The following PRKG1 variants were observed in gnomAD, a reference collection of about 807,000 sequenced individuals.
The protein encoded by PRKG1 is protein kinase cGMP-dependent 1.
A neutral mutation model predicts 88.1 loss-of-function variants in PRKG1; 35 were observed. That is an observed-to-expected ratio of 0.40 (90% CI 0.30 to 0.53). The LOEUF (loss-of-function observed/expected upper bound fraction) is 0.53. Ranked by LOEUF, PRKG1 falls within the 20% of genes least tolerant of loss-of-function variation. The probability of loss-of-function intolerance (pLI) is 0.59; values close to 1 mark genes in which losing one functional copy is unlikely to be tolerated. For missense variants in PRKG1, 540 were observed against 839.8 expected (o/e 0.64, Z 4.41); for synonymous variants, 303 against 292.5 (o/e 1.04, Z -0.37).
At chr10:51,596,384 C>T (rs1419092602) in intron 3 of PRKG1, among the ~76,000 whole-genome samples, 1 of 152,168 alleles carries the variant, frequency 6.6e-6, no homozygotes, top group African/African-American at 2.4e-5. Context: ...GGACACACTT[C>T]ATTTATTACA....
intron 5 of PRKG1, among the ~76,000 whole-genome samples, chr10:51,912,775 C>T (rs936351916): frequency 2.6e-5 from 4 of 151,930 alleles, no homozygotes; most frequent in Non-Finnish European, 5.9e-5. Flanking sequence ...CACCCCAGCC[C>T]CCACCTACCC....
intron 3 of PRKG1, among the ~76,000 whole-genome samples, chr10:51,659,781 A>T (rs1840249528): frequency 6.6e-6 from 1 of 152,088 alleles, no homozygotes. Context: ...GGAAGATGCC[A>T]ATTAAATGAG....
chr10:52,015,266 C>T (rs551316101), intron 5 of PRKG1, among the ~76,000 whole-genome samples: 11 of 152,350 alleles, frequency 7.2e-5, no homozygotes, highest in African/African-American at 2.2e-4. Context: ...CTTTTGTCTC[C>T]TGCCTACCCA....
chr10:52,046,541 T>A (rs1845867785), intron 5 of PRKG1, among the ~76,000 whole-genome samples: 1 of 152,182 alleles, frequency 6.6e-6, no homozygotes, highest in African/African-American at 2.4e-5. Context: ...CACTGTGTTT[T>A]GTTATTATTA....
At chr10:51,832,767 G>T (rs1478213149) in intron 4 of PRKG1, among the ~76,000 whole-genome samples, 1 of 152,040 alleles carries the variant, frequency 6.6e-6, no homozygotes, top group Non-Finnish European at 1.5e-5. Context: ...AGAAGATTGG[G>T]GCTTCTCTGA....
intron 7 of PRKG1, among the ~76,000 whole-genome samples, chr10:52,101,102 A>G (rs1847283335): frequency 6.6e-6 from 1 of 152,098 alleles, no homozygotes; most frequent in South Asian, 2.1e-4. Flanking sequence ...CTTACTTTTA[A>G]TTTTCAGAAT....
At chr10:51,918,344 AT>A (rs1170374480) in intron 5 of PRKG1, among the ~76,000 whole-genome samples, 317 of 140,720 alleles carry the variant, frequency 2.3e-3, no homozygotes, top group African/African-American at 7.5e-3. Flanking sequence ...TTTTTTTTTT[AT>A]TTTTTTTTTT....
At position 51,824,022 on chromosome 10, in the gene PRKG1, C is replaced by T. The variant is rs577149106; in HGVS notation, c.698+19332C>T. 4.6e-5 allele frequency among the ~76,000 whole-genome samples: 7 copies of T among 152,000 alleles called. No individual in the cohort carries two copies. The South Asian group carries it at 1.0e-3, about 23-fold the overall frequency. On this transcript the variant is annotated intron_variant, in intron 4 of 17. Transcript: ENST00000373980. The stretch of plus-strand genomic sequence containing the variant: ...ACGAGTAGCTAGGACTACATGTGTG[C>T]ACCACCATGCCCAGCCAATTTTTGT...
rs149710600 is a variant in PRKG1, at chr10:52,280,851, A to G, written c.1466A>G (p.Tyr489Cys). Reference sequence around the variant, plus strand: ...GCATGTGTGGTAGAAGCTTTTGCCTATCTGCATTCCAAAGGAATCATTTAC... The same window carrying G: ...GCATGTGTGGTAGAAGCTTTTGCCTGTCTGCATTCCAAAGGAATCATTTAC... Reference protein sequence around the residue: ...YTACVVEAFAYLHSKGIIYRD... With the variant: ...YTACVVEAFACLHSKGIIYRD... Residue 489 changes from tyrosine (Y) to cysteine (C), a missense_variant, in exon 13 of 18, where the codon TAT becomes TGT. By Grantham distance (194) the Tyr-to-Cys change is radical. Transcript: ENST00000373980. The G allele has an allele frequency of 1.2e-6, 2 of 1,613,396 alleles. No individual in the cohort carries two copies. The highest frequency in any genetic ancestry group is 1.7e-6 in the Non-Finnish European group (2 of 1,179,492).
intron 3 of PRKG1, among the ~76,000 whole-genome samples, chr10:51,547,054 C>T (rs61849829): frequency 0.055 from 8,369 of 151,884 alleles, 352 homozygotes; most frequent in Middle Eastern, 0.086. Context: ...GTGTTGGCCT[C>T]TACCAGTGGG....
intron 2 of PRKG1, among the ~76,000 whole-genome samples, chr10:51,187,313 A>C (rs551734181): frequency 6.6e-6 from 1 of 152,110 alleles, no homozygotes; most frequent in South Asian, 2.1e-4. Context: ...TTCCACCTGT[A>C]AATAAGGGCA....
intron 2 of PRKG1, among the ~76,000 whole-genome samples, chr10:51,458,165 C>T (rs140243765): frequency 1.3e-4 from 20 of 152,152 alleles, no homozygotes; most frequent in South Asian, 6.2e-4. Context: ...TCACATCAAG[C>T]GCAGATATTT....
chr10:51,409,108 C>T (rs1481386688), intron 2 of PRKG1, among the ~76,000 whole-genome samples: 1 of 152,214 alleles, frequency 6.6e-6, no homozygotes, highest in Non-Finnish European at 1.5e-5. Flanking sequence ...GTTCTGCCCA[C>T]TGGGAAGATT....
chr10:51,552,430 T>C (rs1171857997), intron 3 of PRKG1, among the ~76,000 whole-genome samples: 1 of 151,636 alleles, frequency 6.6e-6, no homozygotes, highest in African/African-American at 2.4e-5. Context: ...GGACATACTA[T>C]TTATTTATTA....
chr10:52,286,657 A>T (rs11001456), intron 14 of PRKG1, among the ~76,000 whole-genome samples: 73,919 of 151,712 alleles, frequency 0.49, 19,499 homozygotes, highest in Non-Finnish European at 0.61. Context: ...TCTCATCATT[A>T]ATAATTAGTA....
At chr10:52,190,707 T>A (rs1839338129) in intron 9 of PRKG1, among the ~76,000 whole-genome samples, 1 of 152,194 alleles carries the variant, frequency 6.6e-6, no homozygotes, top group African/African-American at 2.4e-5. Context: ...CTTAACTGTT[T>A]CACATGTATG....
At chr10:51,414,737 T>C (rs1838192168) in intron 2 of PRKG1, among the ~76,000 whole-genome samples, 1 of 152,236 alleles carries the variant, frequency 6.6e-6, no homozygotes, top group African/African-American at 2.4e-5. Context: ...GATTTTTTAT[T>C]CTTGACATTT....
chr10:51,312,119 G>A (rs995167311), intron 2 of PRKG1, among the ~76,000 whole-genome samples: 4 of 152,056 alleles, frequency 2.6e-5, no homozygotes, highest in African/African-American at 7.2e-5. Flanking sequence ...TGATCTGCCC[G>A]CCTCGGCCTC....
intron 7 of PRKG1, among the ~76,000 whole-genome samples, chr10:52,129,073 C>T (rs926255264): frequency 6.6e-6 from 1 of 152,126 alleles, no homozygotes; most frequent in African/African-American, 2.4e-5. Context: ...ATACCCTGAT[C>T]TGTAAAAAAG....
Sources: allele counts gnomAD v4.1 joint callset (sites outside exome capture counted in the v4.1 genomes callset), GRCh38; gene constraint gnomAD v4.1.1; transcripts MANE v1.5; gene names NCBI Gene and HGNC (gene_info 2026-07-23, HGNC 2026-07-21).